The following METTL4 variants were observed in gnomAD, a reference collection of about 807,000 sequenced individuals.
METTL4 encodes the protein methyltransferase 4, N6-adenosine.
A neutral mutation model predicts 54.0 loss-of-function variants in METTL4; 40 were observed. That is an observed-to-expected ratio of 0.74 (90% confidence interval 0.58 to 0.96). The LOEUF (loss-of-function observed/expected upper bound fraction) is 0.96, where lower values mean the gene tolerates loss of function less well. Among genes scored for constraint, METTL4 ranks in the 50% least tolerant of loss-of-function variants. METTL4 has a pLI of 0.00. For synonymous variants in METTL4, 169 were observed against 183.8 expected (o/e 0.92, Z 0.65); for missense variants, 525 against 549.0 (o/e 0.96, Z 0.44).
Position 2,538,874 on chromosome 18 carries a change from G to T in METTL4, c.*126C>A. The T allele has an allele frequency of 9.5e-7, 1 of 1,054,404 alleles. No individual in the cohort carries two copies. Among genetic ancestry groups the T allele is most frequent in the Non-Finnish European group, 1.4e-6 (1 of 734,088 alleles). The allele number at this position is 1,054,404 out of a possible 1,614,324, so 65.3% of individuals were successfully genotyped here. ...GGCTAGTCACTTCTGGTCCCTTACT[G>T]AAAAAAACAAGTCCTGTTTATATTC... On this transcript the variant is annotated 3_prime_UTR_variant, in exon 9 of 9. Coordinates refer to ENST00000574538, the MANE Select transcript of METTL4 (RefSeq NM_022840.5).
chr18:2,570,181 CT>C (rs1427158748), intron 1 of METTL4, among the ~76,000 whole-genome samples: 2 of 152,186 alleles, frequency 1.3e-5, no homozygotes, highest in Non-Finnish European at 2.9e-5. Context: ...TGGAGTCTAG[CT>C]TGAAATGTGA....
intron 1 of METTL4, among the ~76,000 whole-genome samples, chr18:2,570,338 T>C (rs1053094063): frequency 2.6e-5 from 4 of 152,224 alleles, no homozygotes; most frequent in African/African-American, 9.7e-5. Context: ...GGCAAATTGC[T>C]AGCAGGACCA....
At position 2,566,992 on chromosome 18, in the gene METTL4, A is replaced by G. The variant is rs1407017745; in HGVS notation, c.225T>C (p.Asp75=). 2 of 1,614,168 alleles carry G rather than the reference A, an allele frequency of 1.2e-6. No individual in the cohort carries two copies. Among genetic ancestry groups the G allele is most frequent in the Non-Finnish European group, 8.5e-7 (1 of 1,180,018 alleles). ...SDSSTKPEND[D]GGNYEMFTRK... The stretch of plus-strand genomic sequence containing the variant: ...GTGTGAACATTTCATAATTTCCTCC[A>G]TCATCATTCTCTGGCTTAGTGGAAG... The change falls in exon 2 of 9, where the codon GAT becomes GAC. Residue 75 remains aspartate (D), a synonymous_variant. Coordinates refer to ENST00000574538, the MANE Select transcript of METTL4 (RefSeq NM_022840.5).
intron 8 of METTL4, chr18:2,539,927 A>C (rs1313180359): frequency 1.0e-6 from 1 of 965,550 alleles, no homozygotes; most frequent in East Asian, 1.1e-4. Context: ...CTGGATAGAG[A>C]TAGAAATACT....
At position 2,537,851 on chromosome 18, in the gene METTL4, C is replaced by A; in HGVS notation, c.*1149G>T. On this transcript the variant is annotated 3_prime_UTR_variant, in exon 9 of 9. Coordinates refer to ENST00000574538, the MANE Select transcript of METTL4 (RefSeq NM_022840.5). Reference sequence around the variant, plus strand: ...TGCATGATTCCATTTATATGAAATTCTCAAACAGCAGAACTAATGATAGAA... The same window carrying A: ...TGCATGATTCCATTTATATGAAATTATCAAACAGCAGAACTAATGATAGAA... The A allele has an allele frequency of 2.5e-6, 1 of 398,432 alleles. No individual in the cohort carries two copies. The highest frequency in any genetic ancestry group is 4.4e-6 in the Non-Finnish European group (1 of 226,000). The allele number at this position is 398,432 out of a possible 1,614,324, so 24.7% of individuals were successfully genotyped here. A position where few individuals can be genotyped will look rare whatever the true frequency, so the allele number is the denominator to read the frequency against.
Position 2,537,743 on chromosome 18 carries a change from A to G in METTL4, c.*1257T>C, listed in dbSNP as rs1174135105. Reference sequence around the variant, plus strand: ...GTCTAACATTTTACTTAGTGGATAAATATTTGTCAACAATCTGTAAATAGT... The same window carrying G: ...GTCTAACATTTTACTTAGTGGATAAGTATTTGTCAACAATCTGTAAATAGT... On this transcript the variant is annotated 3_prime_UTR_variant, in exon 9 of 9. Transcript: ENST00000574538. 2.5e-6 allele frequency: 1 copy of G among 396,888 alleles called. No individual in the cohort carries two copies. The highest frequency in any genetic ancestry group is 4.4e-6 in the Non-Finnish European group (1 of 225,400). The allele number at this position is 396,888 out of a possible 1,614,324, so 24.6% of individuals were successfully genotyped here.
intron 5 of METTL4, among the ~76,000 whole-genome samples, chr18:2,552,022 G>A (rs886963653): frequency 9.9e-5 from 15 of 151,954 alleles, no homozygotes; most frequent in Admixed American, 7.2e-4. Flanking sequence ...GTGAAACCCC[G>A]TCTCTACTAA....
rs764120648 is a variant in METTL4, at chr18:2,563,855, C to T, written c.401G>A (p.Arg134His). Residue 134 changes from arginine to histidine, a missense_variant, in exon 3 of 9, where the codon CGT (arginine) becomes CAT (histidine). Physicochemically the swap from Arg to His is conservative, Grantham distance 29. Transcript: ENST00000574538. ...EISISIIGKK[R>H]KRCVVFNQGE... ...TTGATTGAAAACAACACATCTTTTA[C>T]GCTTCTAAAGGGTAGATCAATTACA... The T allele has an allele frequency of 2.2e-5, 36 of 1,608,280 alleles. 2 individuals are homozygous for T. Among genetic ancestry groups the T allele is most frequent in the South Asian group, 1.4e-4 (13 of 90,126 alleles).
rs2072084676 is a variant in METTL4 at position 2,547,361 on chromosome 18, C to A, written c.1068G>T (p.Trp356Cys). Residue 356 changes from tryptophan to cysteine, a missense_variant, in exon 6 of 9, where the codon TGG (tryptophan) becomes TGT (cysteine). Coordinates refer to ENST00000574538, the MANE Select transcript of METTL4 (RefSeq NM_022840.5). ...WSVEVVAEWH[W>C]VKITNSGEFV... is the part of the protein sequence containing the mutation. ...AGCTAACTTCTGAACTTACTTTTAC[C>A]CAGTGCCACTCAGCAACTACCTCCA... 2 of 1,566,004 alleles carry A rather than the reference C, an allele frequency of 1.3e-6. No homozygotes were observed. Among genetic ancestry groups the A allele is most frequent in the African/African-American group, 2.7e-5 (2 of 72,736 alleles).
Position 2,537,949 on chromosome 18 carries a change from T to C in METTL4, c.*1051A>G, listed in dbSNP as rs2071935246. 2.5e-6 allele frequency: 1 copy of C among 398,486 alleles called. No individual in the cohort carries two copies. The highest frequency in any genetic ancestry group is 4.4e-6 in the Non-Finnish European group (1 of 226,002). 24.7% of individuals were successfully genotyped at this position (398,486 alleles called of 1,614,324 possible). A position where few individuals can be genotyped will look rare whatever the true frequency, so the allele number is the denominator to read the frequency against. ...CTGCAAAAGGAAAAATGAGAAGTTT[T>C]CAGGGTAAAGAAAGTGTTCTGTATC... On this transcript the variant is annotated 3_prime_UTR_variant, in exon 9 of 9. Transcript: ENST00000574538.
chr18:2,560,191 CATG>C (rs2072295500), intron 3 of METTL4, among the ~76,000 whole-genome samples: 1 of 152,094 alleles, frequency 6.6e-6, no homozygotes, highest in South Asian at 2.1e-4. Flanking sequence ...TCGGAACGTA[CATG>C]ATGTTGCTAA....
At chr18:2,542,486 T>C (rs1381948936) in intron 8 of METTL4, among the ~76,000 whole-genome samples, 4 of 152,044 alleles carry the variant, frequency 2.6e-5, no homozygotes, top group Non-Finnish European at 5.9e-5. Flanking sequence ...TGACAAATAG[T>C]TTACTATCAT....
intron 4 of METTL4, 106 bp from the exon 5 acceptor site, chr18:2,552,870 A>G: frequency 1.5e-6 from 1 of 684,864 alleles, no homozygotes. Flanking sequence ...ACACGAATAT[A>G]ATGGAATGCA....
intron 8 of METTL4, among the ~76,000 whole-genome samples, chr18:2,541,927 G>A (rs1435472241): frequency 1.3e-5 from 2 of 152,056 alleles, no homozygotes; most frequent in African/African-American, 2.4e-5. Context: ...AAATCTGAGA[G>A]ATGCTTTCTG....
rs763702583 is a variant in METTL4 at position 2,554,913 on chromosome 18, G to A, written c.585C>T (p.Ala195=). 6 of 1,613,992 alleles carry A rather than the reference G, an allele frequency of 3.7e-6. No individual in the cohort carries two copies. In the South Asian group the frequency reaches 6.6e-5, roughly 18 times the overall value. Reference sequence around the variant, plus strand: ...TTTCACATAATTCTGACAAACTGCAGGCGTCAAGTGGTAAAGTAATGGGCT... The same window carrying A: ...TTTCACATAATTCTGACAAACTGCAAGCGTCAAGTGGTAAAGTAATGGGCT... The part of the protein sequence containing the change: ...GSKPITLPLD[A]CSLSELCEMA... Residue 195 remains alanine, a synonymous_variant, in exon 4 of 9, where the codon GCC becomes GCT. Coordinates refer to ENST00000574538, the MANE Select transcript of METTL4 (RefSeq NM_022840.5).
chr18:2,542,412 C>T (rs550969755), intron 8 of METTL4, among the ~76,000 whole-genome samples: 1 of 143,734 alleles, frequency 7.0e-6, no homozygotes, highest in South Asian at 2.2e-4. Context: ...TGTTTATTCA[C>T]TATTTTAAAA....
intron 3 of METTL4, among the ~76,000 whole-genome samples, chr18:2,556,695 G>GA (rs1286830848): frequency 1.3e-5 from 2 of 151,760 alleles, no homozygotes; most frequent in Non-Finnish European, 2.9e-5. Flanking sequence ...AGATGTAAAG[G>GA]AAAAAAATGA....
chr18:2,539,733 C>T (rs1470064671), intron 8 of METTL4: 10 of 644,290 alleles, frequency 1.6e-5, no homozygotes, highest in Non-Finnish European at 1.7e-5. Context: ...CCACTCGCCT[C>T]GGCCTCCCAA....
intron 5 of METTL4, among the ~76,000 whole-genome samples, chr18:2,548,067 T>C (rs2072098235): frequency 6.6e-6 from 1 of 152,168 alleles, no homozygotes; most frequent in African/African-American, 2.4e-5. Flanking sequence ...TCATCTCACC[T>C]ATCCTCATCT....
Sources: gnomAD v4.1 joint callset for allele counts (sites outside exome capture counted in the v4.1 genomes callset) on GRCh38, gnomAD v4.1.1 for gene constraint, MANE v1.5 for transcripts, NCBI Gene and HGNC (gene_info 2026-07-23, HGNC 2026-07-21) for gene names.